Variants in COG2 observed in about 807,000 individuals in gnomAD.
COG2 encodes the protein conserved oligomeric Golgi complex subunit 2.
COG2 carries 52 observed loss-of-function variants against 90.6 expected under a neutral mutation model. That is an observed-to-expected ratio of 0.57 (90% CI 0.46 to 0.72). The LOEUF (loss-of-function observed/expected upper bound fraction) is 0.72. Among genes scored for constraint, COG2 ranks in the 30% least tolerant of loss-of-function variants. COG2 has a pLI of 0.00. For synonymous variants in COG2, 337 were observed against 320.4 expected (o/e 1.05, Z -0.55); for missense variants, 829 against 891.2 (o/e 0.93, Z 0.89).
At chr1:230,678,058 T>A in intron 9 of COG2, 4 of 985,410 alleles carry the variant, frequency 4.1e-6, no homozygotes, top group Non-Finnish European at 4.8e-6. Flanking sequence ...GCACAGACTT[T>A]AGCATATTTA....
chr1:230,667,322 A>G (rs1295540712), intron 5 of COG2, among the ~76,000 whole-genome samples: 1 of 152,184 alleles, frequency 6.6e-6, no homozygotes, highest in Non-Finnish European at 1.5e-5. Flanking sequence ...TATAATAGAC[A>G]CTGCAGTCTT....
intron 10 of COG2, chr1:230,679,316 C>A (rs1447213919): frequency 1.6e-5 from 5 of 304,700 alleles, no homozygotes; most frequent in Non-Finnish European, 3.0e-5. Flanking sequence ...CCAAGCCCAG[C>A]CTCATTCCCA....
At chr1:230,679,252 T>A (rs1181637724) in intron 10 of COG2, 200 bp downstream of exon 10, 2 of 499,246 alleles carry the variant, frequency 4.0e-6, no homozygotes, top group Non-Finnish European at 6.7e-6. Flanking sequence ...AAAGATAAGT[T>A]TTCTTTTTTG....
At chr1:230,644,136 A>T (rs986336122) in intron 1 of COG2, among the ~76,000 whole-genome samples, 6 of 152,356 alleles carry the variant, frequency 3.9e-5, no homozygotes, top group Middle Eastern at 3.4e-3. Flanking sequence ...GTGAAATCAC[A>T]GAAATACAAG....
chr1:230,647,391 G>C (rs973341344), intron 1 of COG2, among the ~76,000 whole-genome samples: 1 of 152,158 alleles, frequency 6.6e-6, no homozygotes, highest in Admixed American at 6.5e-5. Flanking sequence ...GAAACAGGAG[G>C]TGTGTCCAAG....
At chr1:230,647,563 G>T (rs1571940195) in intron 1 of COG2, among the ~76,000 whole-genome samples, 1 of 152,134 alleles carries the variant, frequency 6.6e-6, no homozygotes, top group Non-Finnish European at 1.5e-5. Flanking sequence ...ACTCTTTGCA[G>T]TGTTTCTGGC....
Position 230,687,083 on chromosome 1 carries a change from G to C in COG2, c.1529G>C (p.Arg510Pro). 1 of 1,613,348 alleles carries C rather than the reference G, an allele frequency of 6.2e-7. No homozygotes were observed. The highest frequency in any genetic ancestry group is 8.5e-7 in the Non-Finnish European group (1 of 1,179,570). The change falls in exon 13 of 18, where the codon CGC becomes CCC. Residue 510 changes from arginine (R) to proline (P), a missense_variant. Transcript: ENST00000366669. The stretch of plus-strand genomic sequence containing the variant: ...ACAAAGCCTGTGGTTTCCATTTCCC[G>C]CACTCAGCTCGTGTATGTGGTTGCA... ...SETKPVVSIS[R>P]TQLVYVVADL...
intron 10 of COG2, chr1:230,680,704 G>A (rs560176460): frequency 3.3e-5 from 5 of 152,074 alleles, no homozygotes; most frequent in Admixed American, 2.6e-4. Flanking sequence ...AAAAAAACAC[G>A]TTTGAGTTAC....
At chr1:230,668,546 C>T (rs1274671217) in intron 5 of COG2, 130 bp from the exon 6 acceptor site, 4 of 583,098 alleles carry the variant, frequency 6.9e-6, no homozygotes, top group Non-Finnish European at 1.2e-5. Flanking sequence ...AACAAGGTGG[C>T]CACATAAAAC....
chr1:230,681,154 A>G (rs1662739198), intron 10 of COG2: 1 of 152,242 alleles, frequency 6.6e-6, no homozygotes, highest in South Asian at 2.1e-4. Flanking sequence ...TGGAAAGTAG[A>G]TGAGGACTTA....
At chr1:230,667,561 A>G (rs1394213344) in intron 5 of COG2, among the ~76,000 whole-genome samples, 1 of 152,238 alleles carries the variant, frequency 6.6e-6, no homozygotes, top group Non-Finnish European at 1.5e-5. Flanking sequence ...ACTGAATAGT[A>G]GATATACCAT....
In COG2 at chr1:230,678,060, G is replaced by A. The variant is rs956456197; in HGVS notation, c.1027-853G>A. ...AGATCCTTTCTAAGCACAGACTTTAGCATATTTAGATTAATGGTTTGATGA... is the reference window on the plus strand; with the variant it reads ...AGATCCTTTCTAAGCACAGACTTTAACATATTTAGATTAATGGTTTGATGA... On this transcript the variant is annotated intron_variant, in intron 9 of 17. Coordinates refer to ENST00000366669, the MANE Select transcript of COG2 (RefSeq NM_007357.3). 14 of 985,386 alleles carry A rather than the reference G, an allele frequency of 1.4e-5. 1 individual carries two copies. The African/African-American group carries it at 2.3e-4, about 16-fold the overall frequency. The allele number at this position is 985,386 out of a possible 1,614,324, so 61.0% of individuals were successfully genotyped here.
At chr1:230,659,269 C>T (rs1463149835) in intron 1 of COG2, among the ~76,000 whole-genome samples, 195 bp from the exon 2 acceptor site, 1 of 152,132 alleles carries the variant, frequency 6.6e-6, no homozygotes, top group East Asian at 1.9e-4. Context: ...AGTCAGGGGC[C>T]ACCCTTCTTG....
chr1:230,674,585 A>G (rs563984306), intron 8 of COG2, among the ~76,000 whole-genome samples: 31 of 152,368 alleles, frequency 2.0e-4, no homozygotes, highest in African/African-American at 6.7e-4. Flanking sequence ...TAATTTATAA[A>G]TTAGCATAAC....
chr1:230,668,066 T>A (rs1662361301), intron 5 of COG2, among the ~76,000 whole-genome samples: 1 of 152,182 alleles, frequency 6.6e-6, no homozygotes, highest in Non-Finnish European at 1.5e-5. Flanking sequence ...ACTATTTAAA[T>A]TTAAAATAAG....
At chr1:230,686,170 A>C (rs958378915) in intron 12 of COG2, among the ~76,000 whole-genome samples, 1 of 152,184 alleles carries the variant, frequency 6.6e-6, no homozygotes, top group Non-Finnish European at 1.5e-5. Context: ...GGCTGTTGTG[A>C]GGATTTATTT....
intron 17 of COG2, among the ~76,000 whole-genome samples, chr1:230,692,797 C>T (rs1474900794): frequency 6.8e-6 from 1 of 146,426 alleles, no homozygotes; most frequent in Admixed American, 6.9e-5. Context: ...TTGTTATTGT[C>T]GTTTTTAAAC....
chr1:230,668,093 A>G (rs1170920192), intron 5 of COG2, among the ~76,000 whole-genome samples: 3 of 152,154 alleles, frequency 2.0e-5, no homozygotes, highest in Non-Finnish European at 4.4e-5. Flanking sequence ...TGAGATATTT[A>G]TTGCTGCTGG....
At chr1:230,643,665 A>T (rs1428610855) in intron 1 of COG2, among the ~76,000 whole-genome samples, 2 of 151,884 alleles carry the variant, frequency 1.3e-5, no homozygotes, top group African/African-American at 2.4e-5. Flanking sequence ...GTTTTTTTTT[A>T]AAGTAGATCT....
Sources: gnomAD v4.1 joint callset for allele counts (sites outside exome capture counted in the v4.1 genomes callset) on GRCh38, gnomAD v4.1.1 for gene constraint, MANE v1.5 for transcripts, NCBI Gene and HGNC (gene_info 2026-07-23, HGNC 2026-07-21) for gene names.